The following YEATS2 variants were observed in gnomAD, a reference collection of about 807,000 sequenced individuals.
YEATS2 encodes YEATS domain-containing protein 2.
YEATS2 carries 77 observed loss-of-function variants against 163.2 expected under a neutral mutation model. The ratio of observed to expected loss-of-function variants is 0.47; its 90% CI spans 0.39 to 0.57. The LOEUF (loss-of-function observed/expected upper bound fraction) is 0.57. YEATS2 is among the 20% of genes least tolerant of loss of function. The pLI is 0.00. For synonymous variants in YEATS2, 631 were observed against 645.1 expected (o/e 0.98, Z 0.33); for missense variants, 1,549 against 1,729.8 (o/e 0.90, Z 1.85).
rs1295177923 is a variant in YEATS2, at chr3:183,810,682, C to T, written c.*99C>T. 2.6e-5 allele frequency: 30 copies of T among 1,132,458 alleles called. No homozygotes were observed. Among genetic ancestry groups the T allele is most frequent in the South Asian group, 2.0e-4 (15 of 74,060 alleles). 70.2% of individuals were successfully genotyped at this position (1,132,458 alleles called of 1,614,324 possible). A position where few individuals can be genotyped will look rare whatever the true frequency, so the allele number is the denominator to read the frequency against. ...GAAGGAGGTGGTTTCCAGTGTGACTCGGCATGTCATGGCTACCCAACCTTT... is the reference window on the plus strand; with the variant it reads ...GAAGGAGGTGGTTTCCAGTGTGACTTGGCATGTCATGGCTACCCAACCTTT... On this transcript the variant is annotated 3_prime_UTR_variant, in exon 31 of 31. Coordinates refer to ENST00000305135, the MANE Select transcript of YEATS2 (RefSeq NM_018023.5).
chr3:183,719,926 G>A (rs906131950), intron 4 of YEATS2, among the ~76,000 whole-genome samples: 2 of 151,968 alleles, frequency 1.3e-5, no homozygotes, highest in African/African-American at 4.8e-5. Context: ...CTGACTTTTC[G>A]GAGAAACCAG....
intron 8 of YEATS2, 58 bp from the exon 9 acceptor site, chr3:183,747,614 T>C: frequency 2.8e-6 from 4 of 1,453,716 alleles, no homozygotes; most frequent in Non-Finnish European, 3.8e-6. Context: ...TTGTATCCTA[T>C]GATAATATGT....
At chr3:183,768,746 G>T (rs771210052) in intron 15 of YEATS2, among the ~76,000 whole-genome samples, 1 of 152,162 alleles carries the variant, frequency 6.6e-6, no homozygotes, top group Non-Finnish European at 1.5e-5. Context: ...GCCGAGACAG[G>T]TAGATCGCCT....
At chr3:183,760,672 A>G (rs1295681827) in intron 13 of YEATS2, among the ~76,000 whole-genome samples, 1 of 152,088 alleles carries the variant, frequency 6.6e-6, no homozygotes, top group African/African-American at 2.4e-5. Context: ...GCCTGTGCCA[A>G]ATTATTCAAG....
chr3:183,716,184 C>T (rs771292233), intron 2 of YEATS2, among the ~76,000 whole-genome samples: 1 of 152,154 alleles, frequency 6.6e-6, no homozygotes, highest in Non-Finnish European at 1.5e-5. Flanking sequence ...TGGTCTCCAT[C>T]TCCTGACCTC....
intron 27 of YEATS2, 189 bp from the exon 28 acceptor site, chr3:183,806,677 G>C: frequency 3.3e-6 from 2 of 608,002 alleles, no homozygotes; most frequent in South Asian, 4.0e-5. Context: ...CAAGATGCCT[G>C]TGTTTATGCC....
intron 8 of YEATS2, among the ~76,000 whole-genome samples, chr3:183,745,237 C>G (rs550033634): frequency 2.4e-4 from 37 of 152,350 alleles, no homozygotes; most frequent in African/African-American, 8.4e-4. Flanking sequence ...GCATCCTACA[C>G]AACAGTATCT....
chr3:183,715,335 A>G (rs1249950537), intron 2 of YEATS2, 73 bp downstream of exon 2: 1 of 1,113,434 alleles, frequency 9.0e-7, no homozygotes, highest in African/African-American at 1.7e-5. Flanking sequence ...AGGAACTAGA[A>G]TGAAATGAAT....
Position 183,728,721 on chromosome 3 carries a change from G to T in YEATS2, c.682G>T (p.Asp228Tyr). 6.2e-7 allele frequency: 1 copy of T among 1,612,320 alleles called. No individual in the cohort carries two copies. The highest frequency in any genetic ancestry group is 1.1e-5 in the South Asian group (1 of 90,432). The change falls in exon 7 of 31, where the codon GAC becomes TAC. Residue 228 changes from aspartate to tyrosine, a missense_variant. Physicochemically the swap from Asp to Tyr is radical, Grantham distance 160. Transcript: ENST00000305135. Reference protein sequence around the residue: ...YIPPDKREENDQSTHKWMVYV... With the variant: ...YIPPDKREENYQSTHKWMVYV... ...ACCTCCGGATAAGAGGGAAGAAAATGACCAGTCAACTCATAAGTGGATGGT... is the reference window on the plus strand; with the variant it reads ...ACCTCCGGATAAGAGGGAAGAAAATTACCAGTCAACTCATAAGTGGATGGT...
In YEATS2 at chr3:183,788,584, A is replaced by G. The variant is rs115910276; in HGVS notation, c.2914-2213A>G. On this transcript the variant is annotated intron_variant, in intron 20 of 30. Coordinates refer to ENST00000305135, the MANE Select transcript of YEATS2 (RefSeq NM_018023.5). ...CTTAGGTTGATTCCAAATCTTGGCTATTGTGAATAGTGCCGTAATAAACAT... is the reference window on the plus strand; with the variant it reads ...CTTAGGTTGATTCCAAATCTTGGCTGTTGTGAATAGTGCCGTAATAAACAT... 4.3e-3 allele frequency among the ~76,000 whole-genome samples: 654 copies of G among 152,318 alleles called. 7 individuals are homozygous for G. Among genetic ancestry groups the G allele is most frequent in the African/African-American group, 0.015 (632 of 41,570 alleles).
intron 12 of YEATS2, among the ~76,000 whole-genome samples, chr3:183,758,642 AC>A (rs1438263950): frequency 6.6e-6 from 1 of 152,100 alleles, no homozygotes; most frequent in African/African-American, 2.4e-5. Flanking sequence ...GCATGTCCTT[AC>A]CAGCTTCTTA....
chr3:183,704,975 T>C (rs1244227803), intron 1 of YEATS2, among the ~76,000 whole-genome samples: 1 of 152,100 alleles, frequency 6.6e-6, no homozygotes, highest in Non-Finnish European at 1.5e-5. Flanking sequence ...TTCTGTTGGG[T>C]TCAGAGTTGT....
chr3:183,803,566 G>C, intron 26 of YEATS2: 1 of 579,764 alleles, frequency 1.7e-6, no homozygotes, highest in Non-Finnish European at 3.0e-6. Flanking sequence ...CTGAGTTTCA[G>C]AGTTTTAAAT....
Position 183,766,072 on chromosome 3 carries a change from T to C in YEATS2, c.1947+3793T>C, listed in dbSNP as rs184112924. On this transcript the variant is annotated intron_variant, in intron 15 of 30. Transcript: ENST00000305135. ...TTTTCCTCAAAGTGGGAAGAGGTGCTGCCTTTGACATGAAAAGGGACAACT... is the reference window on the plus strand; with the variant it reads ...TTTTCCTCAAAGTGGGAAGAGGTGCCGCCTTTGACATGAAAAGGGACAACT... 2.3e-3 allele frequency among the ~76,000 whole-genome samples: 353 copies of C among 152,242 alleles called. 2 individuals are homozygous for C. Among genetic ancestry groups the C allele is most frequent in the Middle Eastern group, 3.4e-3 (1 of 292 alleles).
At chr3:183,729,982 G>GC (rs1250749662) in intron 7 of YEATS2, among the ~76,000 whole-genome samples, 1 of 147,476 alleles carries the variant, frequency 6.8e-6, no homozygotes, top group African/African-American at 2.5e-5. Flanking sequence ...GAGTCACCAT[G>GC]CCCGGCCTTA....
chr3:183,807,967 G>T (rs2108540479), intron 28 of YEATS2, 63 bp from the exon 29 acceptor site: 1 of 1,408,016 alleles, frequency 7.1e-7, no homozygotes, highest in South Asian at 1.2e-5. Context: ...AGGTATGCTT[G>T]TTTGGAGAGA....
At chr3:183,804,327 T>C in intron 27 of YEATS2, 139 bp downstream of exon 27, 1 of 985,440 alleles carries the variant, frequency 1.0e-6, no homozygotes, top group Middle Eastern at 3.3e-4. Flanking sequence ...CGTGGGACCG[T>C]GCAGTCCCCA....
chr3:183,772,222 C>G (rs1449154752), intron 15 of YEATS2, 83 bp from the exon 16 acceptor site: 1 of 1,582,972 alleles, frequency 6.3e-7, no homozygotes, highest in Non-Finnish European at 8.6e-7. Flanking sequence ...ATGTGCAGGC[C>G]TTTGTTTTGC....
intron 5 of YEATS2, 142 bp downstream of exon 5, chr3:183,722,278 C>CTTTTTTTTTTTTTTTTTTTTTTTTTT (rs200048624): frequency 6.9e-6 from 2 of 289,378 alleles, no homozygotes; most frequent in African/African-American, 9.1e-5. Flanking sequence ...GAAACCAAAT[C>CTTTTTTTTTTTTTTTTTTTTTTTTTT]TTTTTTTTTT....
Sources: allele counts gnomAD v4.1 joint callset (sites outside exome capture counted in the v4.1 genomes callset), GRCh38; gene constraint gnomAD v4.1.1; transcripts MANE v1.5; gene names NCBI Gene and HGNC (gene_info 2026-07-23, HGNC 2026-07-21).